Variants in ANKFN1 observed in about 807,000 individuals in gnomAD.
ANKFN1 encodes the protein ankyrin repeat and fibronectin type III domain containing 1.
In ANKFN1, 74 loss-of-function variants were observed where a neutral mutation model predicts 108.7. The observed-to-expected ratio is 0.68, with a 90% CI of 0.56 to 0.83. The LOEUF is 0.83. ANKFN1 is among the 40% of genes least tolerant of loss of function. ANKFN1 has a pLI of 0.00. For synonymous variants in ANKFN1, 547 were observed against 516.2 expected, an observed-to-expected ratio of 1.06 and a Z score of -0.81; for missense variants, 1,505 against 1,382.3, an observed-to-expected ratio of 1.09 and a Z score of -1.41.
chr17:56,415,342 T>C (rs1213320686), intron 8 of ANKFN1, among the ~76,000 whole-genome samples: 1 of 152,172 alleles, frequency 6.6e-6, no homozygotes. Context: ...ACAAAACAAC[T>C]GTTAGAACTG....
chr17:56,489,038 C>T (rs2050944473), intron 18 of ANKFN1, among the ~76,000 whole-genome samples: 1 of 152,172 alleles, frequency 6.6e-6, no homozygotes, highest in South Asian at 2.1e-4. Flanking sequence ...GTGAGACTCC[C>T]AGAGGTCACG....
intron 8 of ANKFN1, among the ~76,000 whole-genome samples, chr17:56,419,311 A>T (rs7215225): frequency 1.2e-4 from 18 of 151,816 alleles, no homozygotes; most frequent in African/African-American, 4.1e-4. Context: ...GCGAAACCCC[A>T]TCTCTACTAA....
chr17:56,313,818 G>A (rs1362504553), intron 3 of ANKFN1, among the ~76,000 whole-genome samples: 1 of 152,000 alleles, frequency 6.6e-6, no homozygotes, highest in Non-Finnish European at 1.5e-5. Flanking sequence ...TTGTGTTTTG[G>A]TTAGTTATGT....
intron 1 of ANKFN1, among the ~76,000 whole-genome samples, chr17:56,161,467 A>T (rs1248280519): frequency 6.6e-6 from 1 of 152,200 alleles, no homozygotes; most frequent in African/African-American, 2.4e-5. Flanking sequence ...TTCCTGATTT[A>T]AAAATTCTAG....
At chr17:56,082,654 C>T (rs898895835) in intron 4 of ANKFN1, among the ~76,000 whole-genome samples, 1 of 152,152 alleles carries the variant, frequency 6.6e-6, no homozygotes, top group African/African-American at 2.4e-5. Flanking sequence ...TCTGTGCATT[C>T]ATTCATTCAT....
chr17:56,221,298 A>G (rs1455946129), intron 2 of ANKFN1, among the ~76,000 whole-genome samples: 1 of 129,686 alleles, frequency 7.7e-6, no homozygotes, highest in Non-Finnish European at 1.6e-5. Context: ...ACATTTAAAC[A>G]TGAGATTTGA....
intron 13 of ANKFN1, 25 bp downstream of exon 13, chr17:56,457,414 T>C: frequency 6.4e-7 from 1 of 1,562,548 alleles, no homozygotes; most frequent in Non-Finnish European, 8.6e-7. Context: ...GATTTCATTT[T>C]TCCCTACTTT....
rs1270077407 is a variant in ANKFN1 at position 56,511,141 on chromosome 17, A to G, written c.3313A>G (p.Lys1105Glu). The G allele has an allele frequency of 6.5e-7, 1 of 1,536,016 alleles. No homozygotes were observed. Among genetic ancestry groups the G allele is most frequent in the Admixed American group, 2.0e-5 (1 of 51,008 alleles). ...AGCGGCCGTGGTGGCCCAGGACGAA[A>G]AACCATGGGCAAGCTTGAGCCCGCC... The part of the protein sequence containing the change: ...YAAAVVAQDE[K>E]PWASLSPPSG... Residue 1105 changes from lysine (K) to glutamate (E), a missense_variant, in exon 21 of 21, where the codon AAA (lysine) becomes GAA (glutamate). By Grantham distance (56) the Lys-to-Glu change is moderately conservative. Transcript: ENST00000682825.
At chr17:56,199,372 G>A (rs1038621561) in intron 1 of ANKFN1, among the ~76,000 whole-genome samples, 15 of 151,074 alleles carry the variant, frequency 9.9e-5, no homozygotes, top group African/African-American at 3.2e-4. Flanking sequence ...AATTCTTATG[G>A]GATTTTTAAG....
At chr17:56,339,386 G>T (rs10852981) in intron 4 of ANKFN1, among the ~76,000 whole-genome samples, 61,955 of 151,888 alleles carry the variant, frequency 0.41, 15,210 homozygotes, top group East Asian at 0.55. Context: ...GGGTTTTGTT[G>T]TACAGATTGT....
chr17:56,092,266 A>ATTTTTTTTTTTTTTTTT (rs748898792), intron 4 of ANKFN1, among the ~76,000 whole-genome samples: 7 of 111,372 alleles, frequency 6.3e-5, no homozygotes, highest in African/African-American at 2.8e-4. Flanking sequence ...GTGAGGTAGT[A>ATTTTTTTTTTTTTTTTT]TTTTTTTTTT....
At chr17:56,231,267 T>C (rs1916713958) in intron 3 of ANKFN1, among the ~76,000 whole-genome samples, 2 of 152,178 alleles carry the variant, frequency 1.3e-5, no homozygotes, top group South Asian at 4.1e-4. Context: ...ATTTGCCAAT[T>C]ACATTAACTT....
At chr17:56,441,612 A>C (rs2049108887) in intron 9 of ANKFN1, among the ~76,000 whole-genome samples, 2 of 152,230 alleles carry the variant, frequency 1.3e-5, no homozygotes, top group South Asian at 4.2e-4. Context: ...GGGAATTTTC[A>C]TTGCTTAAAA....
intron 3 of ANKFN1, among the ~76,000 whole-genome samples, chr17:56,276,767 A>T (rs1253550446): frequency 6.6e-6 from 1 of 152,094 alleles, no homozygotes; most frequent in Non-Finnish European, 1.5e-5. Flanking sequence ...AAGGGAGTTT[A>T]TTCTTATTCC....
intron 8 of ANKFN1, among the ~76,000 whole-genome samples, chr17:56,378,924 T>C (rs907019171): frequency 6.6e-6 from 1 of 152,196 alleles, no homozygotes; most frequent in African/African-American, 2.4e-5. Context: ...TTTCATTCAC[T>C]AGTTGCTGAG....
At chr17:56,288,351 T>C (rs1487495893) in intron 3 of ANKFN1, among the ~76,000 whole-genome samples, 1 of 151,904 alleles carries the variant, frequency 6.6e-6, no homozygotes, top group East Asian at 1.9e-4. Context: ...ACTTTGCTTT[T>C]GTTTTGTTTT....
intron 8 of ANKFN1, among the ~76,000 whole-genome samples, chr17:56,384,675 A>G (rs1431905088): frequency 6.6e-6 from 1 of 152,182 alleles, no homozygotes; most frequent in Non-Finnish European, 1.5e-5. Context: ...ATACACCAAT[A>G]TAGATAAACA....
chr17:56,260,550 C>T (rs1333192941), intron 3 of ANKFN1, among the ~76,000 whole-genome samples: 1 of 151,972 alleles, frequency 6.6e-6, no homozygotes, highest in East Asian at 1.9e-4. Context: ...TCCCAACCAG[C>T]ATTTTTGATG....
chr17:56,158,788 T>C (rs536714455), intron 1 of ANKFN1, among the ~76,000 whole-genome samples: 2 of 152,138 alleles, frequency 1.3e-5, no homozygotes, highest in East Asian at 1.9e-4. Context: ...AATAAAAGCT[T>C]TGGGGAATTT....
Sources: gnomAD v4.1 joint callset for allele counts (sites outside exome capture counted in the v4.1 genomes callset) on GRCh38, gnomAD v4.1.1 for gene constraint, MANE v1.5 for transcripts, NCBI Gene and HGNC (gene_info 2026-07-23, HGNC 2026-07-21) for gene names.